The following SENP7 variants were observed in gnomAD, a reference collection of about 807,000 sequenced individuals.
SENP7 encodes sentrin-specific protease 7.
Under a neutral mutation model 141.2 loss-of-function variants are expected in SENP7, and 64 were observed. That is an observed-to-expected ratio of 0.45 (90% CI 0.37 to 0.56). SENP7 has a LOEUF of 0.56. Among genes scored for constraint, SENP7 ranks in the 20% least tolerant of loss-of-function variants. The pLI is 0.00. For synonymous variants in SENP7, 382 were observed against 426.4 expected, an observed-to-expected ratio of 0.90 and a Z score of 1.28; for missense variants, 1,025 against 1,212.2, an observed-to-expected ratio of 0.85 and a Z score of 2.29.
intron 7 of SENP7, among the ~76,000 whole-genome samples, chr3:101,371,390 G>C (rs1004033972): frequency 6.6e-6 from 1 of 152,126 alleles, no homozygotes; most frequent in Non-Finnish European, 1.5e-5. Context: ...TAATCCAACA[G>C]ACCCCTAAAG....
chr3:101,449,091 G>A (rs150446027), intron 4 of SENP7, among the ~76,000 whole-genome samples: 2 of 152,280 alleles, frequency 1.3e-5, no homozygotes, highest in Non-Finnish European at 2.9e-5. Flanking sequence ...ACAAGCCTCA[G>A]TACCAGATTC....
Position 101,366,652 on chromosome 3 carries a change from T to C in SENP7, c.1096A>G (p.Thr366Ala). 2 of 1,613,954 alleles carry C rather than the reference T, an allele frequency of 1.2e-6. No individual in the cohort carries two copies. The highest frequency in any genetic ancestry group is 1.7e-6 in the Non-Finnish European group (2 of 1,179,874). Residue 366 changes from threonine (T) to alanine (A), a missense_variant, in exon 9 of 24, where the codon ACT (threonine) becomes GCT (alanine). By Grantham distance (58) the Thr-to-Ala change is moderately conservative (BLOSUM62 0). This residue lies in a region of SENP7 where 496 missense variants were observed against 503.5 expected (regional missense o/e 0.99). Transcript: ENST00000394095. ...ITTKPTKSDF[T>A]KLSSLNSQEL... ...TGACTGTTAAGTGAGGATAGTTTAG[T>C]AAAATCACTTTTTGTAGGTTTAGTT... is the stretch of plus-strand genomic sequence containing the variant.
At chr3:101,494,313 C>A (rs546028146) in intron 2 of SENP7, among the ~76,000 whole-genome samples, 1 of 152,250 alleles carries the variant, frequency 6.6e-6, no homozygotes, top group South Asian at 2.1e-4. Flanking sequence ...ACAATGGTAG[C>A]CATTACTTAC....
In SENP7 at chr3:101,438,987, C is replaced by T. The variant is rs551984168; in HGVS notation, c.284+19968G>A. On this transcript the variant is annotated intron_variant, in intron 4 of 23. Coordinates refer to ENST00000394095, the MANE Select transcript of SENP7 (RefSeq NM_020654.5). ...GGAAGTGAGGAGTGTCTCTGCCTGG[C>T]TGCCCATCGTCTGGGATGTGAGGAG... Among the ~76,000 whole-genome samples the T allele has an allele frequency of 6.7e-3, 923 of 138,440 alleles. 31 individuals carry two copies. The highest frequency in any genetic ancestry group is 0.023 in the African/African-American group (889 of 38,678). The allele number at this position is 138,440 out of a possible 152,430, so 90.8% of individuals were successfully genotyped here.
chr3:101,351,696 T>G, intron 11 of SENP7, 45 bp from the exon 12 acceptor site: 1 of 1,274,670 alleles, frequency 7.8e-7, no homozygotes, highest in Non-Finnish European at 1.0e-6. Context: ...CCACTCAAAA[T>G]GTGTTACTAT....
At chr3:101,507,060 C>CA (rs11315312) in intron 1 of SENP7, among the ~76,000 whole-genome samples, 244 of 88,866 alleles carry the variant, frequency 2.7e-3, no homozygotes, top group Non-Finnish European at 3.2e-3. Context: ...GATCCCATCT[C>CA]AAAAAAAAAA....
chr3:101,409,707 T>C (rs1346432201), intron 5 of SENP7, among the ~76,000 whole-genome samples: 1 of 152,202 alleles, frequency 6.6e-6, no homozygotes, highest in African/African-American at 2.4e-5. Context: ...TTTCAACAAA[T>C]GGTGCTGGGA....
chr3:101,385,294 C>T (rs1341381664), intron 6 of SENP7, among the ~76,000 whole-genome samples: 2 of 152,048 alleles, frequency 1.3e-5, no homozygotes, highest in African/African-American at 4.8e-5. Context: ...AACCTCAAAG[C>T]CCACCCTCAG....
chr3:101,478,582 G>A (rs568099295), intron 3 of SENP7, among the ~76,000 whole-genome samples: 28 of 152,182 alleles, frequency 1.8e-4, no homozygotes, highest in African/African-American at 5.8e-4. Flanking sequence ...AAAAGCCCAC[G>A]ACCTGATGGC....
chr3:101,439,529 G>C (rs1156626785), intron 4 of SENP7, among the ~76,000 whole-genome samples: 17 of 38,608 alleles, frequency 4.4e-4, no homozygotes, highest in South Asian at 1.2e-3. Context: ...GGCCAGCCGT[G>C]CCGTCCGGGA....
intron 11 of SENP7, among the ~76,000 whole-genome samples, chr3:101,357,100 A>C (rs1305346548): frequency 1.3e-5 from 2 of 151,992 alleles, no homozygotes; most frequent in Non-Finnish European, 2.9e-5. Flanking sequence ...TCCTGGGTTC[A>C]AGCAATTCTC....
chr3:101,403,374 T>C (rs1376675564), intron 5 of SENP7, among the ~76,000 whole-genome samples: 4 of 152,252 alleles, frequency 2.6e-5, no homozygotes, highest in East Asian at 3.8e-4. Flanking sequence ...TTTTAGATCC[T>C]TGGAGAACTT....
chr3:101,430,239 T>C (rs2062112209), intron 4 of SENP7, among the ~76,000 whole-genome samples: 1 of 152,200 alleles, frequency 6.6e-6, no homozygotes, highest in African/African-American at 2.4e-5. Context: ...TTTCTATCGA[T>C]TGGAATAGTT....
At chr3:101,471,430 G>A (rs2107971672) in intron 3 of SENP7, among the ~76,000 whole-genome samples, 1 of 152,248 alleles carries the variant, frequency 6.6e-6, no homozygotes, top group South Asian at 2.1e-4. Context: ...AAATGGTGCT[G>A]GGAAAACTGG....
Position 101,337,285 on chromosome 3 carries a change from G to T in SENP7, c.2480+224C>A, listed in dbSNP as rs2059212326. 1.7e-5 allele frequency: 5 copies of T among 299,454 alleles called. No individual in the cohort carries two copies. In the East Asian group the frequency reaches 3.1e-4, roughly 19 times the overall value. The allele number at this position is 299,454 out of a possible 1,614,324, so 18.5% of individuals were successfully genotyped here. ...CCTCCAACTTCCAGGATTTCCCCCA[G>T]GGACATGCAATTGGAAATGCAGACT... is the stretch of plus-strand genomic sequence containing the variant. On this transcript the variant is annotated intron_variant, in intron 17 of 23. Coordinates refer to ENST00000394095, the MANE Select transcript of SENP7 (RefSeq NM_020654.5).
chr3:101,463,396 T>TATATATACATATATATATATATATAC (rs1320861204), intron 3 of SENP7, among the ~76,000 whole-genome samples: 5 of 82,862 alleles, frequency 6.0e-5, no homozygotes, highest in East Asian at 3.3e-4. Context: ...TATATATATA[T>TATATATACATATATATATATATATAC]ACATATATAT....
chr3:101,363,708 G>T (rs982212942), intron 10 of SENP7, among the ~76,000 whole-genome samples: 1 of 152,158 alleles, frequency 6.6e-6, no homozygotes, highest in African/African-American at 2.4e-5. Flanking sequence ...AGCTGCTGAG[G>T]TGATTTCTAC....
intron 4 of SENP7, chr3:101,457,127 T>TA (rs1559856260): frequency 1.4e-6 from 1 of 737,614 alleles, no homozygotes; most frequent in Non-Finnish European, 2.3e-6. Flanking sequence ...TTAAAAATAT[T>TA]AGAGATCTAG....
At chr3:101,369,192 C>T (rs762096966) in intron 7 of SENP7, among the ~76,000 whole-genome samples, 2 of 152,204 alleles carry the variant, frequency 1.3e-5, no homozygotes, top group East Asian at 3.9e-4. Context: ...AAAAGTTATC[C>T]TGAATTATTT....
Sources: allele counts gnomAD v4.1 joint callset (sites outside exome capture counted in the v4.1 genomes callset), GRCh38; gene constraint gnomAD v4.1.1; regional missense constraint gnomAD v4.1.1; transcripts MANE v1.5; gene names NCBI Gene and HGNC (gene_info 2026-07-23, HGNC 2026-07-21).